Variants in PCDH19 observed in about 807,000 individuals in gnomAD.
PCDH19 encodes the protein protocadherin-19.
A neutral mutation model predicts 46.2 loss-of-function variants in PCDH19; 6 were observed. The observed-to-expected ratio is 0.13, with a 90% confidence interval of 0.07 to 0.26. The LOEUF (loss-of-function observed/expected upper bound fraction) is 0.26. Among genes scored for constraint, PCDH19 ranks in the 10% least tolerant of loss-of-function variants. PCDH19 has a pLI of 1.00. For missense variants in PCDH19, 740 were observed against 972.3 expected (o/e 0.76, Z 3.18); for synonymous variants, 481 against 415.7 (o/e 1.16, Z -1.91).
chrX:100,320,138 A>G (rs1484420570), intron 5 of PCDH19, among the ~76,000 whole-genome samples: 1 of 111,992 alleles, frequency 8.9e-6, no homozygotes, highest in Non-Finnish European at 1.9e-5. Flanking sequence ...CCCAGGAGTA[A>G]GAGTCAGATT....
chrX:100,385,832 TGCAGTGA>T (rs1175338112), intron 3 of PCDH19, among the ~76,000 whole-genome samples: 1 of 110,789 alleles, frequency 9.0e-6, no homozygotes, highest in Non-Finnish European at 1.9e-5. Context: ...AGGCAGAGTT[TGCAGTGA>T]GCCGAGATCG....
At chrX:100,352,257 G>A (rs1348863776) in intron 3 of PCDH19, among the ~76,000 whole-genome samples, 1 of 112,349 alleles carries the variant, frequency 8.9e-6, no homozygotes, top group Admixed American at 9.4e-5. Flanking sequence ...AACAGGAATA[G>A]GAGGCAAACT....
At chrX:100,305,162 A>G (rs149772626) in intron 5 of PCDH19, among the ~76,000 whole-genome samples, 1,701 of 112,342 alleles carry the variant, frequency 0.015, 26 homozygotes, top group African/African-American at 0.052. Flanking sequence ...GAATCTTAAG[A>G]GCTGTCAGTC....
At chrX:100,371,012 T>TGTGTGG (rs1927204039) in intron 3 of PCDH19, among the ~76,000 whole-genome samples, 1 of 109,859 alleles carries the variant, frequency 9.1e-6, no homozygotes, top group Non-Finnish European at 1.9e-5. Context: ...TGTGTGTGTG[T>TGTGTGG]GTGTGTGTGT....
At chrX:100,376,164 G>A (rs1927371759) in intron 3 of PCDH19, among the ~76,000 whole-genome samples, 1 of 106,728 alleles carries the variant, frequency 9.4e-6, no homozygotes, top group Non-Finnish European at 1.9e-5. Flanking sequence ...GAACCCAGGA[G>A]GTGGAGGTTG....
chrX:100,306,735 C>T (rs1397436397), intron 5 of PCDH19, among the ~76,000 whole-genome samples: 1 of 110,598 alleles, frequency 9.0e-6, no homozygotes, highest in African/African-American at 3.3e-5. Flanking sequence ...TATATTACTA[C>T]TGATACCACA....
chrX:100,400,969 T>C lies in PCDH19; in HGVS notation c.2616+1555A>G, dbSNP rs747783835. Among the ~76,000 whole-genome samples, 35 of 111,679 alleles carry C rather than the reference T, an allele frequency of 3.1e-4. 1 individual carries two copies. Among genetic ancestry groups the C allele is most frequent in the African/African-American group, 1.1e-3 (35 of 30,730 alleles). ...GTCCTTCAGTCTCGTCCTCCCTCTC[T>C]TGATGACCAGCTTTGTGAGTCTGAG... is the stretch of plus-strand genomic sequence containing the variant. On this transcript the variant is annotated intron_variant, in intron 3 of 5. Coordinates refer to ENST00000373034, the MANE Select transcript of PCDH19 (RefSeq NM_001184880.2).
rs774357585 is a variant in PCDH19, at chrX:100,407,615, G to A, written c.983C>T (p.Ala328Val). The change falls in exon 1 of 6, where the codon GCA (alanine) becomes GTA (valine). Residue 328 changes from alanine (A) to valine (V), a missense_variant. Physicochemically the swap from Ala to Val is moderately conservative, Grantham distance 64. Transcript: ENST00000373034. ...CACGCTGACGGTGACCTTGCAGTGT[G>A]CCGGGATGGAATTGGGCCCCAAGTC... ...AKDLGPNSIP[A>V]HCKVTVSVLD... 2 of 1,212,052 alleles carry A rather than the reference G, an allele frequency of 1.7e-6. No homozygotes were observed. The highest frequency in any genetic ancestry group is 2.2e-6 in the Non-Finnish European group (2 of 895,590).
intron 5 of PCDH19, among the ~76,000 whole-genome samples, chrX:100,318,106 T>C (rs1461860226): frequency 8.9e-6 from 1 of 111,935 alleles, no homozygotes; most frequent in Non-Finnish European, 1.9e-5. Flanking sequence ...GGTGTACATG[T>C]GAAAAAGGTA....
chrX:100,315,344 A>T (rs1239790998), intron 5 of PCDH19, among the ~76,000 whole-genome samples: 5 of 112,454 alleles, frequency 4.4e-5, no homozygotes, highest in Admixed American at 9.4e-5. Flanking sequence ...TGTCTCTCAA[A>T]TTATGAATTT....
At chrX:100,348,065 C>CAAAAAAAAAAAAAAAAA (rs1177957771) in intron 4 of PCDH19, among the ~76,000 whole-genome samples, 6 of 40,606 alleles carry the variant, frequency 1.5e-4, no homozygotes, top group Non-Finnish European at 2.1e-4. Context: ...GATTCCGTCT[C>CAAAAAAAAAAAAAAAAA]AAAAAAAAAA....
chrX:100,392,541 G>A (rs1180007919), intron 3 of PCDH19, among the ~76,000 whole-genome samples: 2 of 112,168 alleles, frequency 1.8e-5, no homozygotes, highest in Non-Finnish European at 3.8e-5. Flanking sequence ...AGGAACAAAT[G>A]TTACCATTAG....
chrX:100,292,691 C>T lies in PCDH19; in HGVS notation c.*3586G>A, dbSNP rs745842489. 1 of 112,149 alleles carries T rather than the reference C, an allele frequency of 8.9e-6. No homozygotes were observed. Among genetic ancestry groups the T allele is most frequent in the East Asian group, 2.8e-4 (1 of 3,545 alleles). The allele number at this position is 112,149 out of a possible 1,213,427, so 9.2% of individuals were successfully genotyped here. On this transcript the variant is annotated 3_prime_UTR_variant, in exon 6 of 6. Transcript: ENST00000373034. ...ACAACATCTCAATACACTTCAGTGTCAGCAGATACAATTTGACTCATGAAA... is the reference window on the plus strand; with the variant it reads ...ACAACATCTCAATACACTTCAGTGTTAGCAGATACAATTTGACTCATGAAA...
At chrX:100,303,965 A>T (rs1264723229) in intron 5 of PCDH19, among the ~76,000 whole-genome samples, 1 of 112,322 alleles carries the variant, frequency 8.9e-6, no homozygotes, top group Non-Finnish European at 1.9e-5. Flanking sequence ...CAGCCCTTGC[A>T]GCATGGAGAA....
chrX:100,311,973 G>A (rs1925144462), intron 5 of PCDH19, among the ~76,000 whole-genome samples: 1 of 111,357 alleles, frequency 9.0e-6, no homozygotes, highest in Non-Finnish European at 1.9e-5. Flanking sequence ...AAATTTTACA[G>A]CAGTTTTAAT....
At chrX:100,322,853 A>T (rs1212130655) in intron 5 of PCDH19, among the ~76,000 whole-genome samples, 1 of 55,662 alleles carries the variant, frequency 1.8e-5, no homozygotes, top group African/African-American at 9.3e-5. Flanking sequence ...ATATATATAT[A>T]TATATATATA....
intron 3 of PCDH19, among the ~76,000 whole-genome samples, chrX:100,391,372 C>T (rs1187113982): frequency 1.8e-5 from 2 of 111,467 alleles, no homozygotes; most frequent in Non-Finnish European, 3.8e-5. Flanking sequence ...GCAGAACTCG[C>T]GTTGGACAGG....
chrX:100,407,084 T>C lies in PCDH19; in HGVS notation c.1514A>G (p.Tyr505Cys), dbSNP rs1928382143. The C allele has an allele frequency of 1.7e-6, 2 of 1,211,601 alleles. No homozygotes were observed. The highest frequency in any genetic ancestry group is 1.8e-5 in the South Asian group (1 of 56,973). ...SQVRDMPVFT[Y>C]VSINPNSGDI... ...GCCTGAGTTGGGATTGATGGAGACA[T>C]AGGTGAAGACAGGCATGTCCCGCAC... The change falls in exon 1 of 6, where the codon TAT becomes TGT. Residue 505 changes from tyrosine to cysteine, a missense_variant. Transcript: ENST00000373034.
At chrX:100,380,895 T>C (rs1434737458) in intron 3 of PCDH19, among the ~76,000 whole-genome samples, 1 of 112,584 alleles carries the variant, frequency 8.9e-6, no homozygotes, top group African/African-American at 3.2e-5. Flanking sequence ...TATAATTTCA[T>C]TGAATCCTGC....
Sources: gnomAD v4.1 joint callset for allele counts (sites outside exome capture counted in the v4.1 genomes callset) on GRCh38, gnomAD v4.1.1 for gene constraint, MANE v1.5 for transcripts, NCBI Gene and HGNC (gene_info 2026-07-23, HGNC 2026-07-21) for gene names.